The following FSIP1 variants were observed in gnomAD, a reference collection of about 807,000 sequenced individuals.
The protein encoded by FSIP1 is fibrous sheath-interacting protein 1.
A neutral mutation model predicts 60.9 loss-of-function variants in FSIP1; 65 were observed. That is an observed-to-expected ratio of 1.07 (90% CI 0.87 to 1.31). FSIP1 has a LOEUF of 1.31. Among genes scored for constraint, FSIP1 ranks in the 40% most tolerant of loss-of-function variants. The pLI is 0.00. For missense variants in FSIP1, 675 were observed against 665.5 expected, an observed-to-expected ratio of 1.01 and a Z score of -0.16; for synonymous variants, 209 against 221.2, an observed-to-expected ratio of 0.94 and a Z score of 0.49.
intron 11 of FSIP1, among the ~76,000 whole-genome samples, chr15:39,602,634 A>C (rs1890681943): frequency 6.6e-6 from 1 of 152,210 alleles, no homozygotes; most frequent in Admixed American, 6.5e-5. Context: ...GGATGAATGA[A>C]AAGTGGATCA....
intron 8 of FSIP1, 78 bp downstream of exon 8, chr15:39,738,013 T>G: frequency 1.2e-6 from 1 of 834,142 alleles, no homozygotes; most frequent in Non-Finnish European, 1.8e-6. Flanking sequence ...TATTGTAAAT[T>G]TATGATACTG....
At chr15:39,607,199 C>T (rs1890857821) in intron 11 of FSIP1, among the ~76,000 whole-genome samples, 1 of 152,218 alleles carries the variant, frequency 6.6e-6, no homozygotes, top group Non-Finnish European at 1.5e-5. Context: ...CTCCCCAAGG[C>T]TCCATGCTTC....
intron 10 of FSIP1, among the ~76,000 whole-genome samples, chr15:39,694,061 T>C (rs1187328413): frequency 6.6e-6 from 1 of 152,202 alleles, no homozygotes; most frequent in African/African-American, 2.4e-5. Context: ...TATTCAACTA[T>C]TATTTGTCAA....
chr15:39,657,199 A>T (rs1000771923), intron 10 of FSIP1, among the ~76,000 whole-genome samples: 2 of 152,222 alleles, frequency 1.3e-5, no homozygotes, highest in African/African-American at 4.8e-5. Flanking sequence ...GAGAGACCTC[A>T]CTTAAGTGAA....
chr15:39,623,908 C>T (rs1400878142), intron 10 of FSIP1, among the ~76,000 whole-genome samples: 1 of 152,226 alleles, frequency 6.6e-6, no homozygotes, highest in African/African-American at 2.4e-5. Flanking sequence ...ATGGTTTCTG[C>T]TTTCTCACAA....
intron 8 of FSIP1, among the ~76,000 whole-genome samples, chr15:39,731,195 T>C (rs563598831): frequency 3.0e-4 from 46 of 152,286 alleles, no homozygotes; most frequent in African/African-American, 1.0e-3. Context: ...TGATCCTCAG[T>C]GAGGTTCAGT....
intron 10 of FSIP1, among the ~76,000 whole-genome samples, chr15:39,702,128 C>A (rs1360155143): frequency 6.6e-6 from 1 of 152,038 alleles, no homozygotes; most frequent in East Asian, 1.9e-4. Flanking sequence ...TATATGTCCC[C>A]ACCATGCCCT....
chr15:39,708,716 A>G (rs1895377422), intron 10 of FSIP1, among the ~76,000 whole-genome samples: 1 of 152,118 alleles, frequency 6.6e-6, no homozygotes, highest in Admixed American at 6.6e-5. Flanking sequence ...GGTCACTCTA[A>G]TATCTAAATA....
chr15:39,685,221 T>C (rs1195398023), intron 10 of FSIP1, among the ~76,000 whole-genome samples: 1 of 152,170 alleles, frequency 6.6e-6, no homozygotes, highest in Non-Finnish European at 1.5e-5. Context: ...CTTTCTATAA[T>C]GTTTTAGTTA....
At chr15:39,725,073 A>T (rs1275089714) in intron 9 of FSIP1, among the ~76,000 whole-genome samples, 1 of 152,086 alleles carries the variant, frequency 6.6e-6, no homozygotes, top group Non-Finnish European at 1.5e-5. Flanking sequence ...TCTACTAAAA[A>T]TACAAAAATT....
chr15:39,776,822 A>G (rs1898080416), intron 1 of FSIP1, among the ~76,000 whole-genome samples: 1 of 152,180 alleles, frequency 6.6e-6, no homozygotes. Flanking sequence ...GCCTCCAGGA[A>G]AAAACATTTA....
chr15:39,672,840 C>T (rs1449840762), intron 10 of FSIP1, among the ~76,000 whole-genome samples: 2 of 152,132 alleles, frequency 1.3e-5, no homozygotes, highest in Non-Finnish European at 2.9e-5. Context: ...AAGCTAGAAG[C>T]CTCATACAAA....
chr15:39,696,324 A>C (rs1354973210), intron 10 of FSIP1, among the ~76,000 whole-genome samples: 4 of 152,224 alleles, frequency 2.6e-5, no homozygotes. Context: ...TAAATAAATG[A>C]AAAAAGATAC....
chr15:39,632,769 T>A (rs1436809812), intron 10 of FSIP1, among the ~76,000 whole-genome samples: 1 of 152,034 alleles, frequency 6.6e-6, no homozygotes, highest in East Asian at 1.9e-4. Context: ...TCCAACCTGG[T>A]GACAGAGTGA....
chr15:39,720,853 T>A (rs1050311063), intron 9 of FSIP1, among the ~76,000 whole-genome samples: 4 of 152,058 alleles, frequency 2.6e-5, no homozygotes, highest in African/African-American at 9.7e-5. Flanking sequence ...TAAGAAAAAA[T>A]TGCTTCAATT....
At chr15:39,717,555 A>G (rs929274595) in intron 9 of FSIP1, among the ~76,000 whole-genome samples, 10 of 152,260 alleles carry the variant, frequency 6.6e-5, no homozygotes, top group African/African-American at 2.2e-4. Flanking sequence ...AGGTTATAAG[A>G]CAGGAAACAC....
intron 5 of FSIP1, among the ~76,000 whole-genome samples, chr15:39,754,672 G>T (rs1015285167): frequency 1.3e-5 from 2 of 152,036 alleles, no homozygotes; most frequent in African/African-American, 2.4e-5. Flanking sequence ...TAGGAGACTA[G>T]GTGGGTGATG....
Position 39,770,414 on chromosome 15 carries a change from G to C in FSIP1, c.310+13C>G. Reference sequence around the variant, plus strand: ...GTAATTATCATTAGCCAATCACCTAGTGATTATCCTACCTGAACACTCAGA... The same window carrying C: ...GTAATTATCATTAGCCAATCACCTACTGATTATCCTACCTGAACACTCAGA... On this transcript the variant is annotated intron_variant, in intron 3 of 11. Coordinates refer to ENST00000350221, the MANE Select transcript of FSIP1 (RefSeq NM_152597.5). The C allele has an allele frequency of 1.3e-6, 2 of 1,553,126 alleles. No homozygotes were observed. The highest frequency in any genetic ancestry group is 1.7e-6 in the Non-Finnish European group (2 of 1,150,792).
At chr15:39,639,387 A>G (rs1194193182) in intron 10 of FSIP1, among the ~76,000 whole-genome samples, 1 of 152,058 alleles carries the variant, frequency 6.6e-6, no homozygotes, top group Admixed American at 6.5e-5. Context: ...GCAAGTGAAA[A>G]GCAATCTAGG....
Sources: gnomAD v4.1 joint callset for allele counts (sites outside exome capture counted in the v4.1 genomes callset) on GRCh38, gnomAD v4.1.1 for gene constraint, MANE v1.5 for transcripts, NCBI Gene and HGNC (gene_info 2026-07-23, HGNC 2026-07-21) for gene names.